Variants in PTPRT observed in about 807,000 individuals in gnomAD.
PTPRT encodes the protein receptor-type tyrosine-protein phosphatase T.
Under a neutral mutation model 176.8 loss-of-function variants are expected in PTPRT, and 56 were observed. That is an observed-to-expected ratio of 0.32 (90% CI 0.26 to 0.40). PTPRT has a LOEUF of 0.40. PTPRT is among the 10% of genes least tolerant of loss of function. The pLI is 1.00. For synonymous variants in PTPRT, 783 were observed against 739.0 expected (o/e 1.06, Z -0.96); for missense variants, 1,540 against 1,908.2 (o/e 0.81, Z 3.60).
intron 13 of PTPRT, among the ~76,000 whole-genome samples, chr20:42,275,995 C>T (rs1195170260): frequency 6.6e-6 from 1 of 152,136 alleles, no homozygotes; most frequent in Non-Finnish European, 1.5e-5. Context: ...GACTGAACAA[C>T]AATCAAGAGC....
At chr20:42,476,682 G>A (rs2071295342) in intron 7 of PTPRT, among the ~76,000 whole-genome samples, 2 of 152,168 alleles carry the variant, frequency 1.3e-5, no homozygotes, top group Admixed American at 6.5e-5. Context: ...TTCGGTACCT[G>A]CAGGTGAAAG....
At chr20:43,168,696 C>T (rs150624918) in intron 1 of PTPRT, among the ~76,000 whole-genome samples, 1,657 of 152,194 alleles carry the variant, frequency 0.011, 17 homozygotes, top group South Asian at 0.025. Flanking sequence ...AACCATGTGC[C>T]CTGCCCCACA....
chr20:42,334,433 A>G (rs1600849952), intron 11 of PTPRT, among the ~76,000 whole-genome samples: 1 of 152,364 alleles, frequency 6.6e-6, no homozygotes, highest in East Asian at 1.9e-4. Flanking sequence ...AAGAAATGTT[A>G]ATAGCATAAA....
intron 1 of PTPRT, among the ~76,000 whole-genome samples, chr20:43,059,273 T>C (rs929970356): frequency 7.9e-5 from 12 of 152,254 alleles, no homozygotes; most frequent in African/African-American, 2.9e-4. Context: ...TTCAAATCTC[T>C]AAGTTTTGAT....
chr20:43,164,122 T>C (rs562261604), intron 1 of PTPRT, among the ~76,000 whole-genome samples: 80 of 152,382 alleles, frequency 5.2e-4, no homozygotes, highest in Admixed American at 3.8e-3. Context: ...ATGATAAACT[T>C]AATTTTGGAA....
rs546105781 is a variant in PTPRT at position 42,151,658 on chromosome 20, T to C, written c.2683-9656A>G. Among the ~76,000 whole-genome samples the C allele has an allele frequency of 1.2e-4, 18 of 152,352 alleles. No homozygotes were observed. In the South Asian group the frequency reaches 3.1e-3, roughly 26 times the overall value. ...AATTATTTATAATGCTTTGGGTATATACCCAGTAATGGGATTGCTGGGTCA... is the reference window on the plus strand; with the variant it reads ...AATTATTTATAATGCTTTGGGTATACACCCAGTAATGGGATTGCTGGGTCA... On this transcript the variant is annotated intron_variant, in intron 17 of 30. Coordinates refer to ENST00000373187, the MANE Select transcript of PTPRT (RefSeq NM_007050.6).
chr20:43,097,490 G>A (rs1187033696), intron 1 of PTPRT, among the ~76,000 whole-genome samples: 2 of 152,174 alleles, frequency 1.3e-5, no homozygotes, highest in African/African-American at 4.8e-5. Flanking sequence ...GCCGGGCACT[G>A]TTTACTCTTT....
At chr20:42,344,878 T>C (rs987426355) in intron 11 of PTPRT, among the ~76,000 whole-genome samples, 1 of 152,038 alleles carries the variant, frequency 6.6e-6, no homozygotes, top group East Asian at 1.9e-4. Flanking sequence ...ACCCTGTACC[T>C]TCTCTGTGTG....
At chr20:42,846,277 G>A (rs1324078674) in intron 2 of PTPRT, among the ~76,000 whole-genome samples, 1 of 152,200 alleles carries the variant, frequency 6.6e-6, no homozygotes, top group Non-Finnish European at 1.5e-5. Context: ...GGCATGCCGG[G>A]CTGCAGTTAC....
chr20:42,132,162 C>T (rs1004580814), intron 18 of PTPRT, among the ~76,000 whole-genome samples: 3 of 152,176 alleles, frequency 2.0e-5, no homozygotes, highest in African/African-American at 7.2e-5. Flanking sequence ...TTCATGCCTA[C>T]ACAGCTAACT....
At chr20:42,183,044 C>A (rs1990590230) in intron 16 of PTPRT, among the ~76,000 whole-genome samples, 1 of 152,064 alleles carries the variant, frequency 6.6e-6, no homozygotes, top group Non-Finnish European at 1.5e-5. Flanking sequence ...TCCACTCCCA[C>A]TCTCCAAAAC....
intron 5 of PTPRT, among the ~76,000 whole-genome samples, chr20:42,769,750 A>G (rs1341817301): frequency 6.6e-6 from 1 of 152,238 alleles, no homozygotes; most frequent in African/African-American, 2.4e-5. Flanking sequence ...AGGTAGATGG[A>G]TAAACAAATA....
intron 1 of PTPRT, among the ~76,000 whole-genome samples, chr20:43,084,039 G>C (rs1459359915): frequency 2.6e-5 from 4 of 152,190 alleles, no homozygotes; most frequent in Non-Finnish European, 5.9e-5. Flanking sequence ...CCATTTGCCA[G>C]CTGATGGATA....
rs140993742 is a variant in PTPRT, at chr20:42,141,884, G to A, written c.2770+31C>T. ...CTTTTCCCCTGCATCCTCAACACCT[G>A]AAGCTTAGGAGCTCCCAGAAGGGCA... On this transcript the variant is annotated intron_variant, in intron 18 of 30. Coordinates refer to ENST00000373187, the MANE Select transcript of PTPRT (RefSeq NM_007050.6). 2.6e-5 allele frequency: 41 copies of A among 1,580,210 alleles called. No individual in the cohort carries two copies. In the African/African-American group the frequency reaches 4.4e-4, roughly 17 times the overall value.
intron 13 of PTPRT, among the ~76,000 whole-genome samples, chr20:42,264,586 G>C (rs2056807819): frequency 6.6e-6 from 1 of 152,146 alleles, no homozygotes; most frequent in African/African-American, 2.4e-5. Flanking sequence ...CTAGTCTTCT[G>C]GCACAGCCAT....
At chr20:42,872,642 T>C (rs925426523) in intron 2 of PTPRT, among the ~76,000 whole-genome samples, 5 of 152,344 alleles carry the variant, frequency 3.3e-5, no homozygotes, top group Middle Eastern at 3.4e-3. Context: ...AGAAATGCCT[T>C]CTTCTTGATT....
At chr20:42,805,250 G>T (rs889028610) in intron 2 of PTPRT, among the ~76,000 whole-genome samples, 2 of 152,196 alleles carry the variant, frequency 1.3e-5, no homozygotes, top group Non-Finnish European at 2.9e-5. Context: ...AGTCTCATTT[G>T]CTGGCATAGG....
intron 6 of PTPRT, chr20:42,688,471 T>C (rs1308397692): frequency 6.6e-6 from 1 of 152,238 alleles, no homozygotes; most frequent in African/African-American, 2.4e-5. Context: ...CTTCCTGCCA[T>C]TTTTGGCTAC....
chr20:42,636,420 G>A (rs571964998), intron 7 of PTPRT, among the ~76,000 whole-genome samples: 1 of 152,164 alleles, frequency 6.6e-6, no homozygotes, highest in African/African-American at 2.4e-5. Flanking sequence ...ACTGTTCAAG[G>A]GAGAAGCAAA....
Sources: allele counts gnomAD v4.1 joint callset (sites outside exome capture counted in the v4.1 genomes callset), GRCh38; gene constraint gnomAD v4.1.1; transcripts MANE v1.5; gene names NCBI Gene and HGNC (gene_info 2026-07-23, HGNC 2026-07-21).